The following PIGBOS1 variants were observed in gnomAD, a reference collection of about 807,000 sequenced individuals.
The protein encoded by PIGBOS1 is PIGB opposite strand 1.
At chr15:55,318,147 G>A (rs1240026794) in intron 1 of PIGBOS1, among the ~76,000 whole-genome samples, 1 of 149,422 alleles carries the variant, frequency 6.7e-6, no homozygotes, top group South Asian at 2.1e-4. Flanking sequence ...GCCCAGGCTG[G>A]AGTGCAATGG....
chr15:55,317,369 C>T lies in PIGBOS1; in HGVS notation c.*259G>A. ...TCGCTCTGTCACCCAGGCTGGAGTG[C>T]AGCAGCGTGATCTTGACTCACTGCC... On this transcript the variant is annotated 3_prime_UTR_variant, in exon 2 of 2. Transcript: ENST00000436697. 5.0e-6 allele frequency: 1 copy of T among 199,766 alleles called. No individual in the cohort carries two copies. The allele number at this position is 199,766 out of a possible 1,614,324, so 12.4% of individuals were successfully genotyped here.
intron 1 of PIGBOS1, among the ~76,000 whole-genome samples, chr15:55,318,386 C>T (rs2055078825): frequency 2.0e-5 from 3 of 149,176 alleles, no homozygotes; most frequent in Non-Finnish European, 1.5e-5. Flanking sequence ...CGTGAGCCAC[C>T]GCGCCCGGCC....
rs935691150 is a variant in PIGBOS1, at chr15:55,317,687, G to C, written c.106C>G (p.Gln36Glu). 2.0e-5 allele frequency: 8 copies of C among 398,412 alleles called. No homozygotes were observed. Among genetic ancestry groups the C allele is most frequent in the Middle Eastern group, 6.2e-4 (1 of 1,610 alleles). 24.7% of individuals were successfully genotyped at this position (398,412 alleles called of 1,614,324 possible). Reference sequence around the variant, plus strand: ...TGCATCTTTTCTTTTAATTCCTTCTGATCTTTGGCATACTGTTCAAATACT... The same window carrying C: ...TGCATCTTTTCTTTTAATTCCTTCTCATCTTTGGCATACTGTTCAAATACT... ...QPVFEQYAKD[Q>E]KELKEKMQLV... is the part of the protein sequence containing the mutation. Residue 36 changes from glutamine to glutamate, a missense_variant, in exon 2 of 2, where the codon CAG becomes GAG. Coordinates refer to ENST00000436697, the MANE Select transcript of PIGBOS1 (RefSeq NM_001308421.2).
At position 55,319,049 on chromosome 15, in the gene PIGBOS1, G is replaced by A; in HGVS notation, c.-261C>T. ...CGAGCACAGAGACCGCCAAGCCAAAGGCGAGTAGCAATCCCTCGGTTCGGA... is the reference window on the plus strand; with the variant it reads ...CGAGCACAGAGACCGCCAAGCCAAAAGCGAGTAGCAATCCCTCGGTTCGGA... On this transcript the variant is annotated 5_prime_UTR_variant, in exon 1 of 2. Coordinates refer to ENST00000436697, the MANE Select transcript of PIGBOS1 (RefSeq NM_001308421.2). The A allele has an allele frequency of 3.3e-6, 2 of 612,826 alleles. No homozygotes were observed. The highest frequency in any genetic ancestry group is 4.5e-5 in the South Asian group (2 of 44,190). The allele number at this position is 612,826 out of a possible 1,614,324, so 38.0% of individuals were successfully genotyped here.
In PIGBOS1 at chr15:55,319,100, GC is replaced by G. The variant is rs2055099778; in HGVS notation, c.-313del. The G allele has an allele frequency of 8.9e-6, 8 of 895,854 alleles. No homozygotes were observed. Among genetic ancestry groups the G allele is most frequent in the Admixed American group, 3.1e-5 (1 of 31,910 alleles). 55.5% of individuals were successfully genotyped at this position (895,854 alleles called of 1,614,324 possible). ...AACGGCGAAAGGAAACCGCAAGGAG[GC>G]CACCACGTCGGGTGGGAGCTACGAA... is the stretch of plus-strand genomic sequence containing the variant. On this transcript the variant is annotated 5_prime_UTR_variant, in exon 1 of 2. Coordinates refer to ENST00000436697, the MANE Select transcript of PIGBOS1 (RefSeq NM_001308421.2).
chr15:55,318,010 C>A, intron 1 of PIGBOS1, 143 bp from the exon 2 acceptor site: 1 of 318,788 alleles, frequency 3.1e-6, no homozygotes. Context: ...ATAAGGAGTA[C>A]AGGAAGTGAA....
Position 55,317,668 on chromosome 15 carries a change from T to G in PIGBOS1, c.125A>C (p.Lys42Thr), listed in dbSNP as rs576980763. 9 of 398,600 alleles carry G rather than the reference T, an allele frequency of 2.3e-5. No homozygotes were observed. In the South Asian group the frequency reaches 6.4e-4, roughly 28 times the overall value. 24.7% of individuals were successfully genotyped at this position (398,600 alleles called of 1,614,324 possible). ...TTCTGATTCTTGTACCAACTGCATC[T>G]TTTCTTTTAATTCCTTCTGATCTTT... ...YAKDQKELKEKMQLVQESEEK... is the reference protein window; with the variant it reads ...YAKDQKELKETMQLVQESEEK... Residue 42 changes from lysine to threonine, a missense_variant, in exon 2 of 2, where the codon AAG becomes ACG. Transcript: ENST00000436697.
chr15:55,318,686 A>G (rs901592959), intron 1 of PIGBOS1, among the ~76,000 whole-genome samples, 178 bp downstream of exon 1: 2 of 148,730 alleles, frequency 1.3e-5, no homozygotes, highest in South Asian at 4.2e-4. Flanking sequence ...GGACTACAAG[A>G]GCGAAACTCC....
In PIGBOS1 at chr15:55,317,197, T is replaced by A. The variant is rs2055051883; in HGVS notation, c.*431A>T. ...AAATTAACAGTGTTAGGTTAAAAAA[T>A]CATTATCCATGATTTATTTTTAAGT... is the stretch of plus-strand genomic sequence containing the variant. On this transcript the variant is annotated 3_prime_UTR_variant, in exon 2 of 2. Coordinates refer to ENST00000436697, the MANE Select transcript of PIGBOS1 (RefSeq NM_001308421.2). 1 of 152,090 alleles carries A rather than the reference T, an allele frequency of 6.6e-6. No individual in the cohort carries two copies. The highest frequency in any genetic ancestry group is 6.6e-5 in the Admixed American group (1 of 15,258). 9.4% of individuals were successfully genotyped at this position (152,090 alleles called of 1,614,324 possible).
intron 1 of PIGBOS1, among the ~76,000 whole-genome samples, chr15:55,318,283 G>C (rs1424646938): frequency 6.6e-6 from 1 of 151,208 alleles, no homozygotes; most frequent in Non-Finnish European, 1.5e-5. Flanking sequence ...ATTTTTTGTA[G>C]AGACGGGGTT....
chr15:55,318,945 C>T lies in PIGBOS1; in HGVS notation c.-157G>A, dbSNP rs2055095616. On this transcript the variant is annotated 5_prime_UTR_variant, in exon 1 of 2. Transcript: ENST00000436697. Reference sequence around the variant, plus strand: ...CACTCAGGTACCTCCGACTGTTCTGCGCCTGCTCCACGTCACTAAACTCGC... The same window carrying T: ...CACTCAGGTACCTCCGACTGTTCTGTGCCTGCTCCACGTCACTAAACTCGC... The T allele has an allele frequency of 3.0e-6, 1 of 333,386 alleles. No homozygotes were observed. 20.7% of individuals were successfully genotyped at this position (333,386 alleles called of 1,614,324 possible). A position where few individuals can be genotyped will look rare whatever the true frequency, so the allele number is the denominator to read the frequency against.
intron 1 of PIGBOS1, among the ~76,000 whole-genome samples, chr15:55,318,544 A>T (rs1173408482): frequency 6.6e-6 from 1 of 151,268 alleles, no homozygotes; most frequent in East Asian, 2.0e-4. Context: ...CTCTACAAAA[A>T]AACACAAAAA....
In PIGBOS1 at chr15:55,319,110, C is replaced by G. The variant is rs1171206272; in HGVS notation, c.-322G>C. On this transcript the variant is annotated 5_prime_UTR_variant, in exon 1 of 2. Transcript: ENST00000436697. ...GGAAACCGCAAGGAGGCCACCACGT[C>G]GGGTGGGAGCTACGAAGTTGCCCGT... The G allele has an allele frequency of 8.1e-6, 8 of 990,046 alleles. No individual in the cohort carries two copies. Among genetic ancestry groups the G allele is most frequent in the Non-Finnish European group, 7.2e-6 (5 of 696,008 alleles). The allele number at this position is 990,046 out of a possible 1,614,324, so 61.3% of individuals were successfully genotyped here.
intron 1 of PIGBOS1, among the ~76,000 whole-genome samples, chr15:55,318,484 C>T (rs2055082114): frequency 6.7e-6 from 1 of 150,106 alleles, no homozygotes; most frequent in South Asian, 2.1e-4. Context: ...GCGGGCGGAT[C>T]ACGAGGTCAG....
Position 55,317,355 on chromosome 15 carries a change from C to T in PIGBOS1, c.*273G>A. ...TTTTAGATGGAGTCTCGCTCTGTCA[C>T]CCAGGCTGGAGTGCAGCAGCGTGAT... is the stretch of plus-strand genomic sequence containing the variant. On this transcript the variant is annotated 3_prime_UTR_variant, in exon 2 of 2. Coordinates refer to ENST00000436697, the MANE Select transcript of PIGBOS1 (RefSeq NM_001308421.2). 1 of 191,452 alleles carries T rather than the reference C, an allele frequency of 5.2e-6. No homozygotes were observed. Among genetic ancestry groups the T allele is most frequent in the East Asian group, 1.2e-4 (1 of 8,466 alleles). The allele number at this position is 191,452 out of a possible 1,614,324, so 11.9% of individuals were successfully genotyped here. A position where few individuals can be genotyped will look rare whatever the true frequency, so the allele number is the denominator to read the frequency against.
chr15:55,318,656 G>A (rs1364983609), intron 1 of PIGBOS1, among the ~76,000 whole-genome samples: 1 of 149,512 alleles, frequency 6.7e-6, no homozygotes. Flanking sequence ...AGCCCAGATT[G>A]CGCCACTGCA....
rs1034024336 is a variant in PIGBOS1 at position 55,317,310 on chromosome 15, G to A, written c.*318C>T. 8.1e-5 allele frequency: 13 copies of A among 160,422 alleles called. No individual in the cohort carries two copies. The highest frequency in any genetic ancestry group is 2.9e-4 in the African/African-American group (12 of 41,764). The allele number at this position is 160,422 out of a possible 1,614,324, so 9.9% of individuals were successfully genotyped here. A position where few individuals can be genotyped will look rare whatever the true frequency, so the allele number is the denominator to read the frequency against. ...AGTTCATCTCCATGAGGTATTTGTG[G>A]GTTTTTTTGCTTTTTGTTTTTTTAG... On this transcript the variant is annotated 3_prime_UTR_variant, in exon 2 of 2. Transcript: ENST00000436697.
chr15:55,318,992 G>C lies in PIGBOS1; in HGVS notation c.-204C>G, dbSNP rs922954771. On this transcript the variant is annotated 5_prime_UTR_variant, in exon 1 of 2. Coordinates refer to ENST00000436697, the MANE Select transcript of PIGBOS1 (RefSeq NM_001308421.2). ...TCGCTACCGCCTGCTCCCCTCCAGA[G>C]ACCGGGGGCCTTCCAGCAGTTTTCG... is the stretch of plus-strand genomic sequence containing the variant. 8.8e-6 allele frequency: 4 copies of C among 454,252 alleles called. No homozygotes were observed. The highest frequency in any genetic ancestry group is 1.6e-5 in the Non-Finnish European group (4 of 252,640). 28.1% of individuals were successfully genotyped at this position (454,252 alleles called of 1,614,324 possible).
At chr15:55,318,469 C>G (rs1438232259) in intron 1 of PIGBOS1, among the ~76,000 whole-genome samples, 4 of 148,242 alleles carry the variant, frequency 2.7e-5, no homozygotes, top group African/African-American at 9.8e-5. Context: ...CTTTGGGAGG[C>G]CGAGGCGGGC....
Sources: gnomAD v4.1 joint callset for allele counts (sites outside exome capture counted in the v4.1 genomes callset) on GRCh38, gnomAD v4.1.1 for gene constraint, MANE v1.5 for transcripts, NCBI Gene and HGNC (gene_info 2026-07-23, HGNC 2026-07-21) for gene names.